The following ZNF518A variants were observed in gnomAD, a reference collection of about 807,000 sequenced individuals.
ZNF518A encodes the protein zinc finger protein 518.
Under a neutral mutation model 102.7 loss-of-function variants are expected in ZNF518A, and 47 were observed. The observed-to-expected ratio is 0.46, with a 90% CI of 0.36 to 0.58. The LOEUF (loss-of-function observed/expected upper bound fraction) is 0.58. Among genes scored for constraint, ZNF518A ranks in the 20% least tolerant of loss-of-function variants. The pLI is 0.00. For missense variants in ZNF518A, 1,793 were observed against 1,699.8 expected (o/e 1.05, Z -0.96); for synonymous variants, 652 against 594.6 (o/e 1.10, Z -1.40).
At chr10:96,164,157 A>G (rs2083096892), downstream of ZNF518A, among the ~76,000 whole-genome samples, 8 of 152,258 alleles carry the variant, frequency 5.3e-5, no homozygotes, top group Admixed American at 5.2e-4. Context: ...AGAAAAAGTA[A>G]TAGAAGTTCT....
At chr10:96,153,438 A>G (rs191680175) in intron 3 of ZNF518A, among the ~76,000 whole-genome samples, 73 of 152,342 alleles carry the variant, frequency 4.8e-4, no homozygotes, top group African/African-American at 1.6e-3. Flanking sequence ...TTGCTTCCCC[A>G]TGCAACAAGT....
chr10:96,181,580 C>T (rs1181918687), intron 1 of ZNF518A, among the ~76,000 whole-genome samples: 6 of 152,176 alleles, frequency 3.9e-5, no homozygotes, highest in African/African-American at 1.4e-4. Flanking sequence ...CCAGTTTTCC[C>T]AGCACCATTA....
downstream of ZNF518A, among the ~76,000 whole-genome samples, chr10:96,168,052 T>G (rs1413601306): frequency 6.6e-6 from 1 of 152,214 alleles, no homozygotes; most frequent in Non-Finnish European, 1.5e-5. Context: ...TAATTATATG[T>G]CCATCAACAT....
Position 96,159,643 on chromosome 10 carries a change from A to T in ZNF518A, c.3321A>T (p.Leu1107Phe). 1 of 1,613,736 alleles carries T rather than the reference A, an allele frequency of 6.2e-7. No homozygotes were observed. The highest frequency in any genetic ancestry group is 8.5e-7 in the Non-Finnish European group (1 of 1,179,780). Reference sequence around the variant, plus strand: ...CTGATGGCAAACAAGCTGTTTTTTTAAAGTGTGTGATGCCAAATAAAACTG... The same window carrying T: ...CTGATGGCAAACAAGCTGTTTTTTTTAAGTGTGTGATGCCAAATAAAACTG... ...FLPDGKQAVF[L>F]KCVMPNKTEL... The change falls in exon 6 of 6, where the codon TTA becomes TTT. Residue 1107 changes from leucine to phenylalanine, a missense_variant. Leu to Phe is a conservative substitution (Grantham distance 22, BLOSUM62 0). Coordinates refer to ENST00000316045, the MANE Select transcript of ZNF518A (RefSeq NM_001330736.2).
intron 3 of ZNF518A, among the ~76,000 whole-genome samples, chr10:96,152,483 A>G (rs901601521): frequency 9.9e-5 from 15 of 152,214 alleles, no homozygotes; most frequent in African/African-American, 3.4e-4. Flanking sequence ...CAACCTTAGT[A>G]TAAATTGCTG....
At chr10:96,188,354 T>C (rs2083285014) in intron 1 of ZNF518A, among the ~76,000 whole-genome samples, 1 of 152,132 alleles carries the variant, frequency 6.6e-6, no homozygotes, top group Admixed American at 6.5e-5. Context: ...CAGCCTCTGC[T>C]CCAAGAAATC....
chr10:96,160,133 G>C lies in ZNF518A; in HGVS notation c.3811G>C (p.Val1271Leu), dbSNP rs1554886912. The change falls in exon 6 of 6, where the codon GTA becomes CTA. Residue 1271 changes from valine to leucine, a missense_variant. Physicochemically the swap from Val to Leu is conservative, Grantham distance 32. This residue lies in a region of ZNF518A where 1,741 missense variants were observed against 1,622.6 expected (regional missense o/e 1.07). Coordinates refer to ENST00000316045, the MANE Select transcript of ZNF518A (RefSeq NM_001330736.2). ...AAGTAAAGACTCTGAAACTGCCTTTGTATCTAGAAACAGAAACTGTAAACG... is the reference window on the plus strand; with the variant it reads ...AAGTAAAGACTCTGAAACTGCCTTTCTATCTAGAAACAGAAACTGTAAACG... Reference protein sequence around the residue: ...HGSKDSETAFVSRNRNCKRKC... With the variant: ...HGSKDSETAFLSRNRNCKRKC... The C allele has an allele frequency of 6.2e-7, 1 of 1,610,210 alleles. No individual in the cohort carries two copies. The highest frequency in any genetic ancestry group is 1.7e-4 in the Middle Eastern group (1 of 6,052).
chr10:96,156,454 A>G lies in ZNF518A; in HGVS notation c.132A>G (p.Ala44=). 3 of 1,613,270 alleles carry G rather than the reference A, an allele frequency of 1.9e-6. No homozygotes were observed. Among genetic ancestry groups the G allele is most frequent in the Non-Finnish European group, 2.5e-6 (3 of 1,179,626 alleles). ...KPKISGSIHY[A]LKNVKIDLPK... is the part of the protein sequence containing the mutation. Reference sequence around the variant, plus strand: ...AAATTTCAGGAAGTATTCATTATGCACTAAAAAATGTGAAAATTGATTTGC... The same window carrying G: ...AAATTTCAGGAAGTATTCATTATGCGCTAAAAAATGTGAAAATTGATTTGC... The change falls in exon 6 of 6, where the codon GCA becomes GCG. Residue 44 remains alanine, a synonymous_variant. Transcript: ENST00000316045.
intron 1 of ZNF518A, among the ~76,000 whole-genome samples, chr10:96,131,090 C>G (rs1554871593): frequency 6.6e-6 from 1 of 152,050 alleles, no homozygotes; most frequent in African/African-American, 2.4e-5. Context: ...AGTATGTTGT[C>G]AAACGTCTAA....
At position 96,160,672 on chromosome 10, in the gene ZNF518A, C is replaced by T. The variant is rs781979951; in HGVS notation, c.4350C>T (p.Asn1450=). 3 of 1,613,138 alleles carry T rather than the reference C, an allele frequency of 1.9e-6. No homozygotes were observed. The highest frequency in any genetic ancestry group is 3.3e-5 in the Admixed American group (2 of 59,878). The change falls in exon 6 of 6, where the codon AAC becomes AAT. Residue 1450 remains asparagine, a synonymous_variant. Coordinates refer to ENST00000316045, the MANE Select transcript of ZNF518A (RefSeq NM_001330736.2). ...AAAATATTTTGAAGGCTAAATTTAA[C>T]TGTTGGTTTTGTGGTAGAGTATTTG... ...TSENILKAKF[N]CWFCGRVFDN...
chr10:96,138,067 A>G (rs587605717), intron 3 of ZNF518A, among the ~76,000 whole-genome samples: 6 of 152,268 alleles, frequency 3.9e-5, no homozygotes, highest in Admixed American at 1.3e-4. Flanking sequence ...TGTAGGTGCT[A>G]GCTTCAAAAT....
At chr10:96,141,415 T>C (rs1348596475) in intron 3 of ZNF518A, among the ~76,000 whole-genome samples, 4 of 152,076 alleles carry the variant, frequency 2.6e-5, no homozygotes, top group Non-Finnish European at 2.9e-5. Context: ...AGGAAGGAGA[T>C]GCCATGCCTG....
intron 3 of ZNF518A, among the ~76,000 whole-genome samples, chr10:96,139,742 A>G (rs2133245340): frequency 6.6e-6 from 1 of 152,320 alleles, no homozygotes; most frequent in East Asian, 1.9e-4. Flanking sequence ...AGGTGGAAGC[A>G]TGGATGCCAG....
At chr10:96,199,424 C>T (rs2083566829) in intron 1 of ZNF518A, 1 of 412,872 alleles carries the variant, frequency 2.4e-6, no homozygotes, top group South Asian at 1.8e-5. Context: ...CCAAAATAGC[C>T]TGTCACTGTT....
chr10:96,142,389 T>G (rs1453853537), intron 3 of ZNF518A, among the ~76,000 whole-genome samples: 1 of 151,692 alleles, frequency 6.6e-6, no homozygotes, highest in Non-Finnish European at 1.5e-5. Context: ...CTTATATTTT[T>G]CAGTAAGCTT....
At chr10:96,197,672 T>C (rs1394196639) in intron 1 of ZNF518A, among the ~76,000 whole-genome samples, 4 of 152,276 alleles carry the variant, frequency 2.6e-5, no homozygotes, top group African/African-American at 9.6e-5. Flanking sequence ...ATCAAAACTT[T>C]CATTTTATAT....
At position 96,161,962 on chromosome 10, in the gene ZNF518A, G is replaced by C. The variant is rs1473450948; in HGVS notation, c.*1188G>C. 1 of 166,938 alleles carries C rather than the reference G, an allele frequency of 6.0e-6. No homozygotes were observed. 10.3% of individuals were successfully genotyped at this position (166,938 alleles called of 1,614,324 possible). A position where few individuals can be genotyped will look rare whatever the true frequency, so the allele number is the denominator to read the frequency against. On this transcript the variant is annotated 3_prime_UTR_variant, in exon 6 of 6. Coordinates refer to ENST00000316045, the MANE Select transcript of ZNF518A (RefSeq NM_001330736.2). ...AGAGTTTTAAAATGGATGTTTTCAT[G>C]ATGACAACAGAATCATAGATTTAGA...
intron 3 of ZNF518A, among the ~76,000 whole-genome samples, chr10:96,140,935 C>A (rs1455604326): frequency 1.3e-5 from 2 of 151,934 alleles, no homozygotes; most frequent in African/African-American, 4.8e-5. Flanking sequence ...CAGAGTAAGA[C>A]CCTGTCTCAA....
chr10:96,170,709 A>G (rs782267134), intron 1 of ZNF518A, among the ~76,000 whole-genome samples: 11 of 152,166 alleles, frequency 7.2e-5, no homozygotes, highest in Non-Finnish European at 1.6e-4. Context: ...TGCTATTTTC[A>G]CTGACACCAC....
Sources: gnomAD v4.1 joint callset for allele counts (sites outside exome capture counted in the v4.1 genomes callset) on GRCh38, gnomAD v4.1.1 for gene constraint, gnomAD v4.1.1 regional missense constraint, MANE v1.5 for transcripts, NCBI Gene and HGNC (gene_info 2026-07-23, HGNC 2026-07-21) for gene names.